The following RTCB variants were observed in gnomAD, a reference collection of about 807,000 sequenced individuals.
RTCB encodes RNA-splicing ligase RTCB.
A neutral mutation model predicts 58.2 loss-of-function variants in RTCB; 32 were observed. The ratio of observed to expected loss-of-function variants is 0.55; its 90% CI spans 0.41 to 0.74. RTCB has a LOEUF of 0.74. RTCB is among the 30% of genes least tolerant of loss of function. RTCB has a pLI of 0.00. For missense variants in RTCB, 523 were observed against 639.0 expected, an observed-to-expected ratio of 0.82 and a Z score of 1.96; for synonymous variants, 247 against 218.6, an observed-to-expected ratio of 1.13 and a Z score of -1.15.
intron 2 of RTCB, 140 bp downstream of exon 2, chr22:32,408,611 ATAAG>A: frequency 1.5e-6 from 1 of 662,008 alleles, no homozygotes. Flanking sequence ...GTGATCACAA[ATAAG>A]TAAGTGCTTT....
Position 32,408,199 on chromosome 22 carries a change from C to CAAT in RTCB, c.215_216insATT (p.Val72_Ala73insLeu). 6.2e-7 allele frequency: 1 copy of CAAT among 1,614,168 alleles called. No homozygotes were observed. On this transcript the variant is annotated inframe_insertion, in exon 3 of 12. Transcript: ENST00000216038. ...CATGAACAATTCCAGGCAGGGCTGC[C>CAAT]ACATTGCCAATCTGTTTCATGGCTG...
chr22:32,391,249 G>A (rs1933149333), intron 11 of RTCB, among the ~76,000 whole-genome samples: 1 of 152,050 alleles, frequency 6.6e-6, no homozygotes, highest in Admixed American at 6.6e-5. Context: ...TCAGCTGGTG[G>A]AATATTCAGC....
Position 32,392,428 on chromosome 22 carries a change from C to T in RTCB, c.1291-69G>A, listed in dbSNP as rs73881677. ...ATAAGCCCTTTCCCTGATTTTCTCT[C>T]ACACTAAAAAGGAGCTTAAAAAAAC... is the stretch of plus-strand genomic sequence containing the variant. On this transcript the variant is annotated intron_variant, in intron 10 of 11. Transcript: ENST00000216038. 7.1e-3 allele frequency: 11,413 copies of T among 1,601,254 alleles called. 563 individuals are homozygous for T. In the African/African-American group the frequency reaches 0.12, roughly 17 times the overall value.
At chr22:32,388,177 G>T in intron 11 of RTCB, 78 bp from the exon 12 acceptor site, 3 of 841,516 alleles carry the variant, frequency 3.6e-6, no homozygotes, top group East Asian at 2.6e-5. Context: ...CACTTGTGAT[G>T]AAATAAATGC....
intron 11 of RTCB, 88 bp downstream of exon 11, chr22:32,392,152 A>AGGG (rs1933163317): frequency 2.2e-6 from 3 of 1,377,830 alleles, no homozygotes; most frequent in Non-Finnish European, 2.9e-6. Flanking sequence ...TTCTGTTAGT[A>AGGG]ACACCCTAAA....
intron 3 of RTCB, chr22:32,407,780 G>A (rs1009719597): frequency 6.2e-6 from 1 of 162,572 alleles, no homozygotes; most frequent in African/African-American, 2.4e-5. Context: ...TTTATTTTTA[G>A]GGACAGGGTC....
chr22:32,389,821 A>G (rs1234856694), intron 11 of RTCB, among the ~76,000 whole-genome samples: 2 of 152,196 alleles, frequency 1.3e-5, no homozygotes, highest in Non-Finnish European at 2.9e-5. Context: ...TATTCTGCTC[A>G]AAATCCTCCA....
At chr22:32,393,218 G>T (rs993846659) in intron 10 of RTCB, among the ~76,000 whole-genome samples, 2 of 152,214 alleles carry the variant, frequency 1.3e-5, no homozygotes, top group African/African-American at 4.8e-5. Flanking sequence ...TTACAAGTGT[G>T]AGCAACCATG....
At chr22:32,407,519 T>C (rs1368036592) in intron 3 of RTCB, 2 of 152,498 alleles carry the variant, frequency 1.3e-5, no homozygotes, top group Non-Finnish European at 2.9e-5. Context: ...ATCCTCTGCA[T>C]AGGAAGTGAA....
intron 2 of RTCB, 65 bp downstream of exon 2, chr22:32,408,690 C>A: frequency 2.6e-6 from 3 of 1,176,108 alleles, no homozygotes; most frequent in Non-Finnish European, 3.8e-6. Flanking sequence ...ATTTGAGTTG[C>A]CACTTTTTCA....
rs142698549 is a variant in RTCB at position 32,392,578 on chromosome 22, G to A, written c.1291-219C>T. 926 of 690,828 alleles carry A rather than the reference G, an allele frequency of 1.3e-3. 9 individuals are homozygous for A. In the African/African-American group the frequency reaches 0.015, roughly 11 times the overall value. The allele number at this position is 690,828 out of a possible 1,614,324, so 42.8% of individuals were successfully genotyped here. ...GCAGGGTATTCAGCAGCGCAGCGCA[G>A]TGTATTCAGCAGCATCCCTCGCCTC... On this transcript the variant is annotated intron_variant, in intron 10 of 11. Transcript: ENST00000216038.
intron 6 of RTCB, among the ~76,000 whole-genome samples, chr22:32,399,013 T>C (rs1349714401): frequency 6.6e-6 from 1 of 152,248 alleles, no homozygotes; most frequent in African/African-American, 2.4e-5. Context: ...TTCAAACATC[T>C]AGTATATTCT....
At chr22:32,390,473 G>A (rs1377411459) in intron 11 of RTCB, among the ~76,000 whole-genome samples, 1 of 150,604 alleles carries the variant, frequency 6.6e-6, no homozygotes, top group African/African-American at 2.4e-5. Context: ...TTTTGAGATG[G>A]AGTGTTGCTC....
intron 11 of RTCB, among the ~76,000 whole-genome samples, chr22:32,391,189 A>T (rs533505292): frequency 3.3e-4 from 50 of 152,322 alleles, no homozygotes; most frequent in Non-Finnish European, 4.7e-4. Flanking sequence ...TTATAGTAGC[A>T]AAAATTTGGA....
At chr22:32,394,256 C>T (rs908759554) in intron 9 of RTCB, among the ~76,000 whole-genome samples, 6 of 152,038 alleles carry the variant, frequency 3.9e-5, no homozygotes, top group Non-Finnish European at 7.4e-5. Flanking sequence ...GGACCACAGG[C>T]GCCTGCTGCC....
intron 10 of RTCB, 141 bp downstream of exon 10, chr22:32,393,751 G>T: frequency 1.6e-6 from 1 of 636,360 alleles, no homozygotes; most frequent in Non-Finnish European, 2.8e-6. Context: ...TATACATTAT[G>T]GGGAACAATT....
Position 32,395,113 on chromosome 22 carries a change from G to A in RTCB, c.1092C>T (p.Asp364=), listed in dbSNP as rs769341127. The change falls in exon 9 of 12, where the codon GAC becomes GAT. Residue 364 remains aspartate (D), a synonymous_variant. Transcript: ENST00000216038. ...NIAKVEQHVV[D]GKERTLLVHR... is the part of the protein sequence containing the mutation. ...GTACTAACAGTGTCCGTTCCTTTCC[G>A]TCCACCACATGCTGCTCCACTTTGG... 1.2e-5 allele frequency: 20 copies of A among 1,614,028 alleles called. No homozygotes were observed. The highest frequency in any genetic ancestry group is 4.5e-5 in the East Asian group (2 of 44,892).
intron 11 of RTCB, among the ~76,000 whole-genome samples, chr22:32,391,395 ATTT>A (rs200157911): frequency 3.5e-5 from 5 of 141,800 alleles, no homozygotes; most frequent in Admixed American, 7.0e-5. Flanking sequence ...CAATAAGTAA[ATTT>A]TTTTTTTTTT....
intron 4 of RTCB, among the ~76,000 whole-genome samples, chr22:32,404,473 C>A (rs1008774289): frequency 6.6e-6 from 1 of 152,152 alleles, no homozygotes; most frequent in African/African-American, 2.4e-5. Context: ...GCGGTGTGAT[C>A]ATAGCTCACT....
Sources: allele counts gnomAD v4.1 joint callset (sites outside exome capture counted in the v4.1 genomes callset), GRCh38; gene constraint gnomAD v4.1.1; transcripts MANE v1.5; gene names NCBI Gene and HGNC (gene_info 2026-07-23, HGNC 2026-07-21).